CHSY3: variants seen among roughly 807,000 people sequenced by gnomAD.
CHSY3 encodes chondroitin sulfate synthase 3.
In CHSY3, 35 loss-of-function variants were observed where a neutral mutation model predicts 67.2. The observed-to-expected ratio is 0.52, with a 90% confidence interval of 0.40 to 0.69. The LOEUF (loss-of-function observed/expected upper bound fraction) is 0.69. Among genes scored for constraint, CHSY3 ranks in the 30% least tolerant of loss-of-function variants. The probability of loss-of-function intolerance (pLI) is 0.00; values close to 1 mark genes in which losing one functional copy is unlikely to be tolerated. For synonymous variants in CHSY3, 474 were observed against 434.7 expected, an observed-to-expected ratio of 1.09 and a Z score of -1.12; for missense variants, 1,069 against 1,138.5, an observed-to-expected ratio of 0.94 and a Z score of 0.88.
At chr5:129,986,925 C>T (rs1303438973) in intron 2 of CHSY3, among the ~76,000 whole-genome samples, 2 of 152,128 alleles carry the variant, frequency 1.3e-5, no homozygotes, top group Non-Finnish European at 2.9e-5. Flanking sequence ...TTATAGGAGT[C>T]AGCCAGTGTG....
At chr5:130,064,187 G>A (rs1765805848) in intron 2 of CHSY3, among the ~76,000 whole-genome samples, 2 of 152,046 alleles carry the variant, frequency 1.3e-5, no homozygotes, top group Non-Finnish European at 2.9e-5. Flanking sequence ...TTCATCAGTA[G>A]CCCATAAGAT....
intron 2 of CHSY3, among the ~76,000 whole-genome samples, chr5:130,143,756 A>ATATATATATATATGTGTG (rs1433405052): frequency 9.8e-6 from 1 of 101,938 alleles, no homozygotes; most frequent in African/African-American, 4.8e-5. Flanking sequence ...ATATATATAT[A>ATATATATATATATGTGTG]TGTGTGTGTG....
chr5:129,945,675 G>A (rs1237831576), intron 2 of CHSY3, among the ~76,000 whole-genome samples: 4 of 152,136 alleles, frequency 2.6e-5, no homozygotes, highest in East Asian at 1.9e-4. Flanking sequence ...GGAGACAGAC[G>A]GGTAGGTAAA....
chr5:130,172,178 G>A (rs983130916), intron 2 of CHSY3, among the ~76,000 whole-genome samples: 6 of 151,872 alleles, frequency 4.0e-5, no homozygotes, highest in Non-Finnish European at 7.4e-5. Context: ...AAGCTAATCC[G>A]GAAGGAAACA....
chr5:130,175,589 T>C (rs537862916), intron 2 of CHSY3, among the ~76,000 whole-genome samples: 4 of 152,238 alleles, frequency 2.6e-5, no homozygotes, highest in African/African-American at 4.8e-5. Context: ...GGCATCATGC[T>C]ACCTGACTTC....
chr5:129,960,452 G>T (rs1762298259), intron 2 of CHSY3, among the ~76,000 whole-genome samples: 1 of 151,970 alleles, frequency 6.6e-6, no homozygotes, highest in African/African-American at 2.4e-5. Context: ...CTTGTGAAAT[G>T]ACTTGGGAAA....
At chr5:130,073,886 T>A (rs952111483) in intron 2 of CHSY3, among the ~76,000 whole-genome samples, 15 of 152,148 alleles carry the variant, frequency 9.9e-5, no homozygotes, top group African/African-American at 3.6e-4. Flanking sequence ...AGAGGTGAGA[T>A]ACAGAGTTTG....
chr5:129,989,827 A>G (rs73241789), intron 2 of CHSY3, among the ~76,000 whole-genome samples: 28 of 152,312 alleles, frequency 1.8e-4, no homozygotes, highest in African/African-American at 6.7e-4. Flanking sequence ...AGGGTTTAGG[A>G]ATCTTATTCT....
intron 2 of CHSY3, among the ~76,000 whole-genome samples, chr5:129,915,555 T>C (rs1760705701): frequency 6.6e-6 from 1 of 152,226 alleles, no homozygotes; most frequent in Non-Finnish European, 1.5e-5. Context: ...TAAAAAGTTT[T>C]ACTCAACCTT....
At chr5:129,934,565 G>A (rs1217039909) in intron 2 of CHSY3, among the ~76,000 whole-genome samples, 2 of 152,150 alleles carry the variant, frequency 1.3e-5, no homozygotes, top group Admixed American at 6.5e-5. Flanking sequence ...GCAGCAGTCT[G>A]TAGCAGGTTC....
rs907578703 is a variant in CHSY3 at position 129,993,878 on chromosome 5, C to T, written c.1086+85518C>T. ...TGTTCCTTTCCATGTTTAGTGCTTCCTTCAGGAGCTCTTTTAGGGCAGGCC... is the reference window on the plus strand; with the variant it reads ...TGTTCCTTTCCATGTTTAGTGCTTCTTTCAGGAGCTCTTTTAGGGCAGGCC... On this transcript the variant is annotated intron_variant, in intron 2 of 2. Transcript: ENST00000305031. Among the ~76,000 whole-genome samples the T allele has an allele frequency of 1.0e-3, 153 of 151,820 alleles. 1 individual carries two copies. The highest frequency in any genetic ancestry group is 3.6e-3 in the African/African-American group (150 of 41,492).
rs376228839 is a variant in CHSY3 at position 130,144,340 on chromosome 5, A to G, written c.1087-39889A>G. 2.1e-3 allele frequency among the ~76,000 whole-genome samples: 323 copies of G among 152,288 alleles called. 6 individuals carry two copies. In the South Asian group the frequency reaches 0.035, roughly 17 times the overall value. ...TGGTTATTTGCTGGATACAAAATCA[A>G]CACACAAAAATCAGTAGCATATCTA... is the stretch of plus-strand genomic sequence containing the variant. On this transcript the variant is annotated intron_variant, in intron 2 of 2. Transcript: ENST00000305031.
At position 129,951,086 on chromosome 5, in the gene CHSY3, C is replaced by T. The variant is rs900292557; in HGVS notation, c.1086+42726C>T. ...AGAATAGAAAGCCAAGAAATGAACC[C>T]AAGCATTTATGGTCAACTAGTCTTT... On this transcript the variant is annotated intron_variant, in intron 2 of 2. Coordinates refer to ENST00000305031, the MANE Select transcript of CHSY3 (RefSeq NM_175856.5). Among the ~76,000 whole-genome samples, 82 of 152,200 alleles carry T rather than the reference C, an allele frequency of 5.4e-4. 1 individual carries two copies. The highest frequency in any genetic ancestry group is 2.0e-3 in the African/African-American group (81 of 41,536).
At chr5:129,910,382 G>T (rs1250139027) in intron 2 of CHSY3, among the ~76,000 whole-genome samples, 1 of 151,874 alleles carries the variant, frequency 6.6e-6, no homozygotes, top group East Asian at 1.9e-4. Flanking sequence ...ATATTTTCTA[G>T]ATAAGTACTG....
intron 2 of CHSY3, among the ~76,000 whole-genome samples, chr5:130,124,723 G>A (rs755519742): frequency 1.3e-5 from 2 of 152,178 alleles, no homozygotes; most frequent in Non-Finnish European, 2.9e-5. Flanking sequence ...CTCCCAAAGT[G>A]ATGGGATTAC....
chr5:130,125,290 A>G (rs1162787758), intron 2 of CHSY3, among the ~76,000 whole-genome samples: 2 of 151,364 alleles, frequency 1.3e-5, no homozygotes, highest in African/African-American at 4.9e-5. Flanking sequence ...GGTGCTATAC[A>G]CCTGTAGTCC....
chr5:130,143,734 G>GTGTATATATATATATATATA lies in CHSY3; in HGVS notation c.1087-40494_1087-40493insGTATATATATATATATATAT, dbSNP rs1223966105. On this transcript the variant is annotated intron_variant, in intron 2 of 2. Coordinates refer to ENST00000305031, the MANE Select transcript of CHSY3 (RefSeq NM_175856.5). ...TATATATATATATGTGTGTGTGTGT[G>GTGTATATATATATATATATA]TATATATATATATATATATATATGT... 8.7e-4 allele frequency among the ~76,000 whole-genome samples: 82 copies of GTGTATATATATATATATATA among 94,652 alleles called. 1 individual carries two copies. Among genetic ancestry groups the GTGTATATATATATATATATA allele is most frequent in the African/African-American group, 1.2e-3 (27 of 22,796 alleles). The allele number at this position is 94,652 out of a possible 152,430, so 62.1% of individuals were successfully genotyped here. A position where few individuals can be genotyped will look rare whatever the true frequency, so the allele number is the denominator to read the frequency against.
chr5:129,997,092 T>G (rs1164621807), intron 2 of CHSY3, among the ~76,000 whole-genome samples: 6 of 150,374 alleles, frequency 4.0e-5, no homozygotes, highest in Non-Finnish European at 8.9e-5. Flanking sequence ...TCTACCAAAG[T>G]GCATATTTCT....
chr5:129,935,819 T>C (rs565469116), intron 2 of CHSY3, among the ~76,000 whole-genome samples: 3 of 152,314 alleles, frequency 2.0e-5, no homozygotes, highest in East Asian at 1.9e-4. Context: ...AATCACCAGC[T>C]GTTGTTTAGA....
Sources: gnomAD v4.1 joint callset for allele counts (sites outside exome capture counted in the v4.1 genomes callset) on GRCh38, gnomAD v4.1.1 for gene constraint, MANE v1.5 for transcripts, NCBI Gene and HGNC (gene_info 2026-07-23, HGNC 2026-07-21) for gene names.